The following NTM variants were observed in gnomAD, a reference collection of about 807,000 sequenced individuals.
NTM encodes the protein neurotrimin.
In NTM, 13 loss-of-function variants were observed where a neutral mutation model predicts 42.1. The observed-to-expected ratio is 0.31, with a 90% CI of 0.20 to 0.49. The LOEUF is 0.49. NTM is among the 20% of genes least tolerant of loss of function. The pLI, the probability that NTM is intolerant of heterozygous loss-of-function variation, is 0.99. For synonymous variants in NTM, 187 were observed against 179.2 expected (o/e 1.04, Z -0.35); for missense variants, 373 against 452.8 (o/e 0.82, Z 1.60).
intron 1 of NTM, among the ~76,000 whole-genome samples, chr11:131,468,175 C>T (rs11222658): frequency 0.11 from 16,212 of 152,230 alleles, 1,760 homozygotes; most frequent in East Asian, 0.5. Context: ...GCCTGCCCCC[C>T]TTCCTGTCTG....
intron 4 of NTM, among the ~76,000 whole-genome samples, chr11:132,243,280 CAG>C (rs1336765948): frequency 1.3e-5 from 2 of 152,174 alleles, no homozygotes; most frequent in Non-Finnish European, 2.9e-5. Context: ...TGATTTGTCT[CAG>C]AGAATTTAGG....
intron 2 of NTM, among the ~76,000 whole-genome samples, chr11:132,005,098 A>AT (rs959414758): frequency 6.6e-6 from 1 of 152,152 alleles, no homozygotes; most frequent in Non-Finnish European, 1.5e-5. Context: ...GCACTATGAA[A>AT]TCATAGTATT....
chr11:131,739,064 C>T (rs1330697697), intron 1 of NTM, among the ~76,000 whole-genome samples: 1 of 152,116 alleles, frequency 6.6e-6, no homozygotes, highest in African/African-American at 2.4e-5. Context: ...AGCAACAATC[C>T]CTCCCACTGC....
At chr11:131,761,605 A>T (rs148143086) in intron 1 of NTM, among the ~76,000 whole-genome samples, 16 of 152,030 alleles carry the variant, frequency 1.1e-4, no homozygotes, top group African/African-American at 3.6e-4. Context: ...GGAGTTGGAG[A>T]CTATCCTCCT....
chr11:131,879,744 C>CG (rs201651296), intron 1 of NTM, among the ~76,000 whole-genome samples: 2 of 63,944 alleles, frequency 3.1e-5, no homozygotes, highest in African/African-American at 1.8e-4. Context: ...GATAAACTTC[C>CG]AAAAAATCCT....
intron 1 of NTM, among the ~76,000 whole-genome samples, chr11:131,790,261 C>A (rs2136136328): frequency 6.6e-6 from 1 of 152,244 alleles, no homozygotes; most frequent in African/African-American, 2.4e-5. Context: ...ACCTGAGCCT[C>A]AGTGGGTTTG....
At chr11:132,267,254 A>G (rs932235887) in intron 4 of NTM, among the ~76,000 whole-genome samples, 4 of 152,250 alleles carry the variant, frequency 2.6e-5, no homozygotes, top group Admixed American at 2.0e-4. Flanking sequence ...TAAAAAATAC[A>G]GTGTAATATA....
chr11:131,598,875 T>TCCTTCCTTCTTCCTTC (rs1174189983), intron 1 of NTM, among the ~76,000 whole-genome samples: 1 of 35,004 alleles, frequency 2.9e-5, no homozygotes, highest in African/African-American at 9.9e-5. Context: ...CTTCCTTCCT[T>TCCTTCCTTCTTCCTTC]CTTCCTTCCT....
chr11:131,411,128 C>G lies in NTM; in HGVS notation c.82+40240C>G, dbSNP rs1946354424. Among the ~76,000 whole-genome samples the G allele has an allele frequency of 2.0e-5, 3 of 152,220 alleles. No individual in the cohort carries two copies. In the South Asian group the frequency reaches 6.2e-4, roughly 32 times the overall value. ...AAATCCCTCCTCGATCATTAAAACT[C>G]TGCTAAAATATCACTTTCCTTGTGA... On this transcript the variant is annotated intron_variant, in intron 1 of 8. Coordinates refer to ENST00000683400, the MANE Select transcript of NTM (RefSeq NM_001352005.2).
intron 4 of NTM, among the ~76,000 whole-genome samples, chr11:132,232,091 C>A (rs1455252973): frequency 6.6e-6 from 1 of 152,162 alleles, no homozygotes; most frequent in Non-Finnish European, 1.5e-5. Flanking sequence ...CTTCACGTTG[C>A]GTTGTTGTCA....
At chr11:131,519,399 G>T (rs1300110932) in intron 1 of NTM, among the ~76,000 whole-genome samples, 1 of 151,138 alleles carries the variant, frequency 6.6e-6, no homozygotes, top group Non-Finnish European at 1.5e-5. Context: ...TGTGGAGTTA[G>T]TTAAGACCAG....
intron 1 of NTM, among the ~76,000 whole-genome samples, chr11:131,576,580 G>A (rs535131572): frequency 6.6e-6 from 1 of 152,248 alleles, no homozygotes; most frequent in Admixed American, 6.5e-5. Context: ...TTCAACGACT[G>A]GCAAAGACTG....
chr11:132,287,286 C>T (rs2094280879), intron 4 of NTM, among the ~76,000 whole-genome samples: 1 of 152,204 alleles, frequency 6.6e-6, no homozygotes. Flanking sequence ...GTGGAGTATG[C>T]TGTGTTTTCC....
At chr11:131,989,420 C>T (rs984297552) in intron 2 of NTM, among the ~76,000 whole-genome samples, 16 of 151,944 alleles carry the variant, frequency 1.1e-4, no homozygotes, top group African/African-American at 2.9e-4. Flanking sequence ...TGTGATATTG[C>T]GGTAATAGTT....
intron 1 of NTM, among the ~76,000 whole-genome samples, chr11:131,761,052 G>A (rs2084084687): frequency 6.8e-6 from 1 of 146,726 alleles, no homozygotes; most frequent in Admixed American, 6.8e-5. Context: ...TAAATAAGAT[G>A]TTTCTCATGT....
chr11:131,956,180 G>A (rs189095168), intron 2 of NTM, among the ~76,000 whole-genome samples: 7 of 152,160 alleles, frequency 4.6e-5, no homozygotes, highest in Non-Finnish European at 8.8e-5. Flanking sequence ...GCGCAGAGAC[G>A]TGGGGAATGC....
At chr11:131,450,279 A>G (rs764270641) in intron 1 of NTM, among the ~76,000 whole-genome samples, 3 of 152,170 alleles carry the variant, frequency 2.0e-5, no homozygotes, top group Non-Finnish European at 4.4e-5. Context: ...GAAGAAAGAC[A>G]ATGTTTATGC....
intron 6 of NTM, among the ~76,000 whole-genome samples, chr11:132,311,331 A>G (rs531825371): frequency 6.6e-6 from 1 of 152,172 alleles, no homozygotes; most frequent in African/African-American, 2.4e-5. Context: ...CCAAATGAAA[A>G]GCAGTGTTTT....
chr11:132,019,059 A>C (rs141021889), intron 2 of NTM, among the ~76,000 whole-genome samples: 1 of 151,578 alleles, frequency 6.6e-6, no homozygotes, highest in Non-Finnish European at 1.5e-5. Flanking sequence ...AGTCTTTACT[A>C]TTTTTCTTCT....
Sources: allele counts gnomAD v4.1 joint callset (sites outside exome capture counted in the v4.1 genomes callset), GRCh38; gene constraint gnomAD v4.1.1; transcripts MANE v1.5; gene names NCBI Gene and HGNC (gene_info 2026-07-23, HGNC 2026-07-21).